The following RDH11 variants were observed in gnomAD, a reference collection of about 807,000 sequenced individuals.
RDH11 encodes retinol dehydrogenase 11.
A neutral mutation model predicts 33.4 loss-of-function variants in RDH11; 19 were observed. The observed-to-expected ratio is 0.57, with a 90% CI of 0.40 to 0.83. RDH11 has a LOEUF of 0.83. Ranked by LOEUF, RDH11 falls within the 40% of genes least tolerant of loss-of-function variation. The pLI is 0.00. For synonymous variants in RDH11, 154 were observed against 155.3 expected (o/e 0.99, Z 0.06); for missense variants, 353 against 389.0 (o/e 0.91, Z 0.78).
chr14:67,680,324 T>C (rs1403215200), intron 6 of RDH11, among the ~76,000 whole-genome samples: 10 of 152,226 alleles, frequency 6.6e-5, no homozygotes, highest in Admixed American at 4.6e-4. Context: ...TCTCTGGAAA[T>C]GACTCAGCCT....
chr14:67,685,965 A>G (rs1419357635), intron 5 of RDH11: 1 of 151,964 alleles, frequency 6.6e-6, no homozygotes, highest in African/African-American at 2.4e-5. Context: ...GGTTTTCCTA[A>G]CCTTTCTGGC....
In RDH11 at chr14:67,692,439, A is replaced by G. The variant is rs1159724898; in HGVS notation, c.348T>C (p.Ala116=). ...SIRAFAKGFL[A]EEKHLHVLIN... ...TAGTCTCTCTAGTTCTACACTTACC[A>G]GCTAAGAAGCCCTTAGCAAAAGCTC... The change falls in exon 3 of 7, where the codon GCT becomes GCC. Residue 116 remains alanine, a splice_region_variant and synonymous_variant. Transcript: ENST00000381346. 6.2e-7 allele frequency: 1 copy of G among 1,613,962 alleles called. No homozygotes were observed. The highest frequency in any genetic ancestry group is 1.7e-5 in the Admixed American group (1 of 59,986).
At chr14:67,695,347 G>A (rs973127792) in intron 1 of RDH11, among the ~76,000 whole-genome samples, 2 of 152,124 alleles carry the variant, frequency 1.3e-5, no homozygotes, top group African/African-American at 4.8e-5. Flanking sequence ...CTTACCCTCG[G>A]GATTCCCTGG....
intron 5 of RDH11, chr14:67,689,946 A>C: frequency 3.2e-6 from 1 of 314,890 alleles, no homozygotes; most frequent in Non-Finnish European, 6.1e-6. Context: ...TCCCGTCTCA[A>C]AAAAAAAAAA....
intron 6 of RDH11, 107 bp from the exon 7 acceptor site, chr14:67,678,530 C>A: frequency 1.5e-6 from 1 of 679,104 alleles, no homozygotes; most frequent in Non-Finnish European, 2.6e-6. Flanking sequence ...ACATGTTCTC[C>A]ATGTACTTCA....
chr14:67,690,167 C>T (rs2037730676), intron 5 of RDH11, 45 bp downstream of exon 5: 1 of 1,555,366 alleles, frequency 6.4e-7, no homozygotes, highest in South Asian at 1.1e-5. Flanking sequence ...CTTTTACCTG[C>T]CTCTCTCTGA....
rs762371097 is a variant in RDH11 at position 67,692,448 on chromosome 14, G to A, written c.339C>T (p.Gly113=). 1 of 1,614,050 alleles carries A rather than the reference G, an allele frequency of 6.2e-7. No homozygotes were observed. Residue 113 remains glycine (G), a synonymous_variant, in exon 3 of 7, where the codon GGC becomes GGT. Transcript: ENST00000381346. ...DTKSIRAFAK[G]FLAEEKHLHV... ...TAGTTCTACACTTACCAGCTAAGAA[G>A]CCCTTAGCAAAAGCTCGAATAGACT...
At chr14:67,694,447 T>TACAC (rs780940836) in intron 1 of RDH11, among the ~76,000 whole-genome samples, 16 of 140,560 alleles carry the variant, frequency 1.1e-4, no homozygotes, top group Admixed American at 4.5e-4. Flanking sequence ...TATATATATA[T>TACAC]ATATACACAC....
In RDH11 at chr14:67,692,977, A is replaced by G; in HGVS notation, c.150T>C (p.Asn50=). 1.9e-6 allele frequency: 3 copies of G among 1,614,130 alleles called. No individual in the cohort carries two copies. The highest frequency in any genetic ancestry group is 2.5e-6 in the Non-Finnish European group (3 of 1,179,990). The stretch of plus-strand genomic sequence containing the variant: ...TGGCTGTCTCCTTCCCGATACCTGT[A>G]TTAGCTCCTGTGACCACAACTACTT... ...PGKVVVVTGA[N]TGIGKETAKE... The change falls in exon 2 of 7, where the codon AAT becomes AAC. Residue 50 remains asparagine, a synonymous_variant. Coordinates refer to ENST00000381346, the MANE Select transcript of RDH11 (RefSeq NM_016026.4).
intron 3 of RDH11, 136 bp downstream of exon 3, chr14:67,692,302 T>G (rs1174833294): frequency 1.2e-6 from 1 of 842,430 alleles, no homozygotes; most frequent in Non-Finnish European, 1.9e-6. Context: ...TCCCAGTGAC[T>G]ATGAGTTCAG....
intron 4 of RDH11, 28 bp downstream of exon 4, chr14:67,691,112 A>T: frequency 2.6e-6 from 4 of 1,512,280 alleles, no homozygotes; most frequent in Non-Finnish European, 3.7e-6. Context: ...GGGTCTCTCT[A>T]GCTTTGTGAT....
At position 67,692,494 on chromosome 14, in the gene RDH11, T is replaced by C; in HGVS notation, c.293A>G (p.Lys98Arg). The C allele has an allele frequency of 6.2e-7, 1 of 1,614,086 alleles. No individual in the cohort carries two copies. The highest frequency in any genetic ancestry group is 8.5e-7 in the Non-Finnish European group (1 of 1,179,998). The change falls in exon 3 of 7, where the codon AAA (lysine) becomes AGA (arginine). Residue 98 changes from lysine (K) to arginine (R), a missense_variant. Transcript: ENST00000381346. ...TTGNQQVLVRKLDLSDTKSIR... is the reference protein window; with the variant it reads ...TTGNQQVLVRRLDLSDTKSIR... ...AGACTTAGTATCAGACAGGTCCAGTTTCCGCACCAACACCTGCTGGTTCCC... is the reference window on the plus strand; with the variant it reads ...AGACTTAGTATCAGACAGGTCCAGTCTCCGCACCAACACCTGCTGGTTCCC...
chr14:67,688,999 T>C (rs2037715833), intron 5 of RDH11, among the ~76,000 whole-genome samples: 1 of 152,234 alleles, frequency 6.6e-6, no homozygotes, highest in African/African-American at 2.4e-5. Context: ...TACTGCACCA[T>C]AATGATTTTC....
rs115917815 is a variant in RDH11, at chr14:67,691,193, G to C, written c.401C>G (p.Pro134Arg). 6.2e-7 allele frequency: 1 copy of C among 1,613,952 alleles called. No individual in the cohort carries two copies. Among genetic ancestry groups the C allele is most frequent in the Non-Finnish European group, 8.5e-7 (1 of 1,179,970 alleles). ...LINNAGVMMC[P>R]YSKTADGFEM... ...AAAGCCATCTGCTGTCTTCGAGTACGGACACATCATCACTCCTGCATTGTT... is the reference window on the plus strand; with the variant it reads ...AAAGCCATCTGCTGTCTTCGAGTACCGACACATCATCACTCCTGCATTGTT... Residue 134 changes from proline to arginine, a missense_variant, in exon 4 of 7, where the codon CCG (proline) becomes CGG (arginine). Pro to Arg is a moderately radical substitution (Grantham distance 103). Coordinates refer to ENST00000381346, the MANE Select transcript of RDH11 (RefSeq NM_016026.4).
rs1194791602 is a variant in RDH11, at chr14:67,692,521, G to C, written c.266C>G (p.Thr89Arg). 2 of 1,613,432 alleles carry C rather than the reference G, an allele frequency of 1.2e-6. No homozygotes were observed. Among genetic ancestry groups the C allele is most frequent in the East Asian group, 2.2e-5 (1 of 44,860 alleles). Residue 89 changes from threonine (T) to arginine (R), a missense_variant, in exon 3 of 7, where the codon ACA (threonine) becomes AGA (arginine). Physicochemically the swap from Thr to Arg is moderately conservative, Grantham distance 71 (BLOSUM62 -1). Coordinates refer to ENST00000381346, the MANE Select transcript of RDH11 (RefSeq NM_016026.4). ...CCGCACCAACACCTGCTGGTTCCCT[G>C]TCGTGGTCTGGATCTCTTTGGCCAC... ...ELVAKEIQTT[T>R]GNQQVLVRKL... is the part of the protein sequence containing the mutation.
chr14:67,693,799 C>T (rs1174080601), intron 1 of RDH11, among the ~76,000 whole-genome samples: 4 of 151,912 alleles, frequency 2.6e-5, no homozygotes, highest in East Asian at 1.9e-4. Context: ...CTCACCCATG[C>T]GCCACCACGC....
chr14:67,690,236 G>T lies in RDH11; in HGVS notation c.640C>A (p.Gln214Lys). The T allele has an allele frequency of 6.2e-7, 1 of 1,613,710 alleles. No homozygotes were observed. The highest frequency in any genetic ancestry group is 2.2e-5 in the East Asian group (1 of 44,868). The change falls in exon 5 of 7, where the codon CAG becomes AAG. Residue 214 changes from glutamine (Q) to lysine (K), a missense_variant. Physicochemically the swap from Gln to Lys is moderately conservative, Grantham distance 53. Transcript: ENST00000381346. ...CCTTTTAGTCTCCGGGCCAGTTCCT[G>T]GGTGAAGAGGATGTTGGCTAGCTTG... ...HSKLANILFT[Q>K]ELARRLKGSG...
Position 67,690,258 on chromosome 14 carries a change from C to A in RDH11, c.618G>T (p.Lys206Asn), listed in dbSNP as rs377759771. 6.2e-7 allele frequency: 1 copy of A among 1,614,060 alleles called. No homozygotes were observed. The highest frequency in any genetic ancestry group is 8.5e-7 in the Non-Finnish European group (1 of 1,180,020). ...CCTGGGTGAAGAGGATGTTGGCTAG[C>A]TTGCTGTGACAGTAGGCCAGGCCTG... The part of the protein sequence containing the change: ...YNAGLAYCHS[K>N]LANILFTQEL... The change falls in exon 5 of 7, where the codon AAG (lysine) becomes AAT (asparagine). Residue 206 changes from lysine to asparagine, a missense_variant. Coordinates refer to ENST00000381346, the MANE Select transcript of RDH11 (RefSeq NM_016026.4).
chr14:67,695,757 T>A lies in RDH11; in HGVS notation c.-54A>T. On this transcript the variant is annotated 5_prime_UTR_variant, in exon 1 of 7. Coordinates refer to ENST00000381346, the MANE Select transcript of RDH11 (RefSeq NM_016026.4). ...GGATGCTCCAGCGTTGCTCGCCGAC[T>A]ATGGCTTCTCTTTCTAGACACGCCC... 6.5e-7 allele frequency: 1 copy of A among 1,546,298 alleles called. No homozygotes were observed. The highest frequency in any genetic ancestry group is 8.9e-7 in the Non-Finnish European group (1 of 1,122,522).
Sources: allele counts gnomAD v4.1 joint callset (sites outside exome capture counted in the v4.1 genomes callset), GRCh38; gene constraint gnomAD v4.1.1; transcripts MANE v1.5; gene names NCBI Gene and HGNC (gene_info 2026-07-23, HGNC 2026-07-21).